ADAMTS17: variants seen among roughly 807,000 people sequenced by gnomAD.
The protein encoded by ADAMTS17 is ADAM metallopeptidase with thrombospondin type 1 motif 17.
Under a neutral mutation model 141.5 loss-of-function variants are expected in ADAMTS17, and 113 were observed. The ratio of observed to expected loss-of-function variants is 0.80; its 90% confidence interval spans 0.69 to 0.93. The LOEUF (loss-of-function observed/expected upper bound fraction) is 0.93, where lower values mean the gene tolerates loss of function less well. ADAMTS17 is among the 40% of genes least tolerant of loss of function. The pLI, the probability that ADAMTS17 is intolerant of heterozygous loss-of-function variation, is 0.00. For missense variants in ADAMTS17, 1,659 were observed against 1,517.9 expected, an observed-to-expected ratio of 1.09 and a Z score of -1.54; for synonymous variants, 768 against 630.6, an observed-to-expected ratio of 1.22 and a Z score of -3.27.
chr15:100,264,926 C>G (rs546562073), intron 4 of ADAMTS17, among the ~76,000 whole-genome samples: 1 of 152,274 alleles, frequency 6.6e-6, no homozygotes, highest in Middle Eastern at 3.4e-3. Context: ...CCGAACCACA[C>G]AGTTAAAAAT....
At chr15:100,135,385 G>A (rs947163517) in intron 10 of ADAMTS17, among the ~76,000 whole-genome samples, 3 of 151,336 alleles carry the variant, frequency 2.0e-5, no homozygotes, top group African/African-American at 4.9e-5. Flanking sequence ...CCAGGTTCAC[G>A]CCATTCTCCT....
Position 100,051,331 on chromosome 15 carries a change from T to C in ADAMTS17, c.2455+241A>G, listed in dbSNP as rs922668. 0.34 allele frequency among the ~76,000 whole-genome samples: 51,000 copies of C among 152,014 alleles called. 10,154 individuals carry two copies. The highest frequency in any genetic ancestry group is 0.54 in the African/African-American group (22,314 of 41,466). ...CATCAGCCAAACCCCGCTTCACCCA[T>C]AGGTCAGAGCTGTGGGGCCCTGGGC... On this transcript the variant is annotated intron_variant, in intron 17 of 21. Coordinates refer to ENST00000268070, the MANE Select transcript of ADAMTS17 (RefSeq NM_139057.4).
chr15:100,083,205 T>A (rs2034869225), intron 15 of ADAMTS17, among the ~76,000 whole-genome samples: 1 of 152,220 alleles, frequency 6.6e-6, no homozygotes, highest in African/African-American at 2.4e-5. Flanking sequence ...CCAAGGTGAC[T>A]GTGGCAGCCT....
intron 2 of ADAMTS17, among the ~76,000 whole-genome samples, chr15:100,336,263 G>A (rs950238994): frequency 6.6e-6 from 1 of 152,200 alleles, no homozygotes; most frequent in Non-Finnish European, 1.5e-5. Context: ...GCTGGATGAA[G>A]CCCTGAGTAA....
At chr15:100,107,229 T>G (rs922698806) in intron 14 of ADAMTS17, among the ~76,000 whole-genome samples, 28 of 152,204 alleles carry the variant, frequency 1.8e-4, no homozygotes, top group African/African-American at 6.5e-4. Flanking sequence ...ACTGAAATGT[T>G]GATGCCTATG....
At chr15:100,279,957 C>T (rs1389438946) in intron 4 of ADAMTS17, among the ~76,000 whole-genome samples, 2 of 152,196 alleles carry the variant, frequency 1.3e-5, no homozygotes, top group Non-Finnish European at 2.9e-5. Flanking sequence ...GTCACCCCTT[C>T]TTCAGGACAA....
chr15:100,148,589 T>G (rs943926009), intron 10 of ADAMTS17, among the ~76,000 whole-genome samples: 20 of 151,760 alleles, frequency 1.3e-4, no homozygotes, highest in African/African-American at 3.4e-4. Flanking sequence ...TAATGAGAGG[T>G]GTACTGTCAG....
At chr15:100,019,915 T>A (rs928396772) in intron 18 of ADAMTS17, among the ~76,000 whole-genome samples, 1 of 152,198 alleles carries the variant, frequency 6.6e-6, no homozygotes, top group African/African-American at 2.4e-5. Flanking sequence ...TTGTCATTGC[T>A]TTCTTTGTTT....
chr15:100,142,489 G>A (rs182414754), intron 10 of ADAMTS17, among the ~76,000 whole-genome samples: 166 of 152,320 alleles, frequency 1.1e-3, no homozygotes, highest in Non-Finnish European at 1.5e-4. Context: ...AGGCGACAAG[G>A]AGGCACAGAA....
At chr15:100,135,035 G>C (rs1477256299) in intron 10 of ADAMTS17, among the ~76,000 whole-genome samples, 1 of 152,210 alleles carries the variant, frequency 6.6e-6, no homozygotes, top group Non-Finnish European at 1.5e-5. Flanking sequence ...AGACAAGGCT[G>C]ACCCAGGGGG....
At chr15:100,066,478 C>T (rs865922464) in intron 15 of ADAMTS17, among the ~76,000 whole-genome samples, 1 of 151,992 alleles carries the variant, frequency 6.6e-6, no homozygotes, top group Admixed American at 6.6e-5. Context: ...CACATCAGAC[C>T]ATTCTTCTGA....
At chr15:100,225,312 G>A (rs1054764952) in intron 7 of ADAMTS17, among the ~76,000 whole-genome samples, 5 of 152,210 alleles carry the variant, frequency 3.3e-5, no homozygotes, top group Admixed American at 6.5e-5. Context: ...ATATGGTTTC[G>A]TTAAAATAAC....
intron 20 of ADAMTS17, among the ~76,000 whole-genome samples, chr15:99,989,847 G>A (rs757866576): frequency 1.2e-4 from 19 of 152,214 alleles, no homozygotes; most frequent in South Asian, 6.2e-4. Flanking sequence ...GCAATGAAAT[G>A]AAATGGGTTT....
intron 15 of ADAMTS17, among the ~76,000 whole-genome samples, chr15:100,064,489 G>C (rs938306453): frequency 6.6e-6 from 1 of 152,194 alleles, no homozygotes; most frequent in Non-Finnish European, 1.5e-5. Context: ...TTCATCTGCT[G>C]GAGGGCCTTT....
chr15:100,292,564 G>A (rs915018554), intron 3 of ADAMTS17, among the ~76,000 whole-genome samples: 3 of 152,174 alleles, frequency 2.0e-5, no homozygotes, highest in Admixed American at 6.5e-5. Context: ...CACTCACCCC[G>A]TGTGAAATTA....
chr15:100,114,502 T>C (rs1366263895), intron 13 of ADAMTS17, among the ~76,000 whole-genome samples: 1 of 152,236 alleles, frequency 6.6e-6, no homozygotes, highest in East Asian at 1.9e-4. Flanking sequence ...TTGAGAGAAA[T>C]GAAACTGCAG....
chr15:100,141,808 C>T (rs1365564904), intron 10 of ADAMTS17, among the ~76,000 whole-genome samples: 1 of 152,220 alleles, frequency 6.6e-6, no homozygotes, highest in African/African-American at 2.4e-5. Context: ...AAATTAGGAC[C>T]ATCTGCTGCC....
intron 18 of ADAMTS17, among the ~76,000 whole-genome samples, chr15:100,019,442 G>A (rs1035592879): frequency 6.6e-6 from 1 of 152,054 alleles, no homozygotes; most frequent in Non-Finnish European, 1.5e-5. Flanking sequence ...AGTTAATCTC[G>A]GTACTTTTCT....
At chr15:100,211,057 G>C (rs932043546) in intron 7 of ADAMTS17, among the ~76,000 whole-genome samples, 2 of 151,388 alleles carry the variant, frequency 1.3e-5, no homozygotes, top group African/African-American at 2.4e-5. Context: ...CCGAGATTGC[G>C]CCACTGCACT....
Sources: allele counts gnomAD v4.1 joint callset (sites outside exome capture counted in the v4.1 genomes callset), GRCh38; gene constraint gnomAD v4.1.1; transcripts MANE v1.5; gene names NCBI Gene and HGNC (gene_info 2026-07-23, HGNC 2026-07-21).